The following DGAT2 variants were observed in gnomAD, a reference collection of about 807,000 sequenced individuals.
DGAT2 encodes acyl-CoA retinol O-fatty-acyltransferase.
A neutral mutation model predicts 48.4 loss-of-function variants in DGAT2; 33 were observed. The observed-to-expected ratio is 0.68, with a 90% CI of 0.52 to 0.91. DGAT2 has a LOEUF of 0.91. Ranked by LOEUF, DGAT2 falls within the 40% of genes least tolerant of loss-of-function variation. The probability of loss-of-function intolerance (pLI) is 0.00; values close to 1 mark genes in which losing one functional copy is unlikely to be tolerated. For missense variants in DGAT2, 446 were observed against 493.7 expected (o/e 0.90, Z 0.92); for synonymous variants, 191 against 194.1 (o/e 0.98, Z 0.13).
intron 1 of DGAT2, 190 bp from the exon 2 acceptor site, chr11:75,784,428 A>G: frequency 7.9e-6 from 5 of 629,088 alleles, no homozygotes; most frequent in Non-Finnish European, 1.3e-5. Flanking sequence ...GGCACAGGGG[A>G]GCATGCAGAC....
At chr11:75,772,267 G>T (rs1298536869) in intron 1 of DGAT2, among the ~76,000 whole-genome samples, 1 of 152,158 alleles carries the variant, frequency 6.6e-6, no homozygotes, top group African/African-American at 2.4e-5. Context: ...GCTGCCAGGT[G>T]AATGCCAGTT....
chr11:75,790,052 C>T, intron 2 of DGAT2, 136 bp from the exon 3 acceptor site: 1 of 690,694 alleles, frequency 1.4e-6, no homozygotes, highest in Non-Finnish European at 2.6e-6. Context: ...AGCTATTTCT[C>T]AGGGTTTGTG....
intron 1 of DGAT2, among the ~76,000 whole-genome samples, chr11:75,769,535 C>T (rs191033909): frequency 5.5e-4 from 84 of 152,290 alleles, no homozygotes; most frequent in Non-Finnish European, 9.8e-4. Context: ...CTCTGTCCCA[C>T]ATCCATCCTC....
In DGAT2 at chr11:75,796,541, C is replaced by A; in HGVS notation, c.634+9C>A. The A allele has an allele frequency of 1.9e-6, 3 of 1,610,496 alleles. No individual in the cohort carries two copies. Among genetic ancestry groups the A allele is most frequent in the Non-Finnish European group, 2.5e-6 (3 of 1,178,870 alleles). ...GTACCTGATGTCTGGAGGTAAGAAT[C>A]CACCCCCTGTGCTCCTGCTGGGCAC... On this transcript the variant is annotated intron_variant, in intron 5 of 7. Coordinates refer to ENST00000228027, the MANE Select transcript of DGAT2 (RefSeq NM_032564.5).
chr11:75,786,032 A>G (rs1055629221), intron 2 of DGAT2, among the ~76,000 whole-genome samples: 2 of 152,158 alleles, frequency 1.3e-5, no homozygotes, highest in Admixed American at 6.5e-5. Context: ...ACGGGCTTTG[A>G]GTGGGGGGAT....
Position 75,784,554 on chromosome 11 carries a change from G to T in DGAT2, c.122-64G>T. ...AGGGTACCTGTGGGAGGTGAGGTTT[G>T]TACTGGGGACCCCATGACTGGAGAG... is the stretch of plus-strand genomic sequence containing the variant. On this transcript the variant is annotated intron_variant, in intron 1 of 7. Transcript: ENST00000228027. 3 of 1,600,628 alleles carry T rather than the reference G, an allele frequency of 1.9e-6. No individual in the cohort carries two copies. In the South Asian group the frequency reaches 3.4e-5, roughly 18 times the overall value.
intron 1 of DGAT2, among the ~76,000 whole-genome samples, chr11:75,779,717 G>A (rs968776743): frequency 6.6e-6 from 1 of 152,186 alleles, no homozygotes; most frequent in African/African-American, 2.4e-5. Context: ...TTCCCCTACA[G>A]CCTGTCTCAT....
intron 1 of DGAT2, among the ~76,000 whole-genome samples, chr11:75,769,431 A>T (rs1361003486): frequency 1.3e-5 from 2 of 151,858 alleles, no homozygotes; most frequent in Non-Finnish European, 2.9e-5. Context: ...GCAGTGATAG[A>T]CTGGATGGGC....
Position 75,784,341 on chromosome 11 carries a change from C to T in DGAT2, c.122-277C>T, listed in dbSNP as rs558233084. 8.7e-5 allele frequency: 25 copies of T among 287,528 alleles called. 1 individual carries two copies. In the South Asian group the frequency reaches 1.2e-3, roughly 14 times the overall value. The allele number at this position is 287,528 out of a possible 1,614,324, so 17.8% of individuals were successfully genotyped here. A position where few individuals can be genotyped will look rare whatever the true frequency, so the allele number is the denominator to read the frequency against. ...CCCAAGGCCTAGCCCTTGGACTAGCCTCTTTAGATACTTCATGTGGTCTCC... is the reference window on the plus strand; with the variant it reads ...CCCAAGGCCTAGCCCTTGGACTAGCTTCTTTAGATACTTCATGTGGTCTCC... On this transcript the variant is annotated intron_variant, in intron 1 of 7. Transcript: ENST00000228027.
chr11:75,800,096 G>A (rs1238081866), intron 7 of DGAT2, among the ~76,000 whole-genome samples: 1 of 152,182 alleles, frequency 6.6e-6, no homozygotes, highest in Non-Finnish European at 1.5e-5. Context: ...CCTCCTAGCA[G>A]AATGCAGTGG....
intron 1 of DGAT2, among the ~76,000 whole-genome samples, chr11:75,772,983 C>T (rs544366250): frequency 5.9e-5 from 9 of 152,178 alleles, no homozygotes; most frequent in Non-Finnish European, 1.0e-4. Context: ...GAGCGAGACT[C>T]CATCTCAAAA....
At chr11:75,771,431 T>G (rs183093195) in intron 1 of DGAT2, among the ~76,000 whole-genome samples, 37 of 152,248 alleles carry the variant, frequency 2.4e-4, no homozygotes, top group Non-Finnish European at 4.6e-4. Flanking sequence ...GTGGTCCCAG[T>G]AAAATTTTGA....
At chr11:75,799,626 A>T (rs867868482) in intron 7 of DGAT2, among the ~76,000 whole-genome samples, 1,545 of 134,570 alleles carry the variant, frequency 0.011, 25 homozygotes, top group African/African-American at 0.036. Context: ...TTTTTTTTTT[A>T]TTTTTGAGAC....
intron 4 of DGAT2, 124 bp from the exon 5 acceptor site, chr11:75,796,204 A>C (rs1434516569): frequency 1.3e-6 from 1 of 789,708 alleles, no homozygotes; most frequent in Admixed American, 2.1e-5. Context: ...GTGGAGATTC[A>C]TTGCAGCCCT....
rs1189900113 is a variant in DGAT2, at chr11:75,787,480, A to G, written c.251-2708A>G. Among the ~76,000 whole-genome samples the G allele has an allele frequency of 2.0e-5, 3 of 152,194 alleles. No individual in the cohort carries two copies. In the East Asian group the frequency reaches 5.8e-4, roughly 29 times the overall value. On this transcript the variant is annotated intron_variant, in intron 2 of 7. Coordinates refer to ENST00000228027, the MANE Select transcript of DGAT2 (RefSeq NM_032564.5). ...AGGCCTCGTGGCTTCAGAATTTTGTATCACAAGTGTCTTTGTAGGCCACCA... is the reference window on the plus strand; with the variant it reads ...AGGCCTCGTGGCTTCAGAATTTTGTGTCACAAGTGTCTTTGTAGGCCACCA...
intron 1 of DGAT2, among the ~76,000 whole-genome samples, chr11:75,781,455 C>G (rs560891946): frequency 5.3e-5 from 8 of 152,362 alleles, no homozygotes; most frequent in African/African-American, 1.7e-4. Context: ...CCTCCATGGT[C>G]AGCCAGGTTG....
intron 1 of DGAT2, among the ~76,000 whole-genome samples, chr11:75,779,204 G>A (rs994361032): frequency 3.9e-5 from 6 of 152,160 alleles, no homozygotes; most frequent in Admixed American, 2.6e-4. Context: ...CATGGGTTGC[G>A]GGGGTGGAAT....
At chr11:75,784,774 G>A (rs745473705) in intron 2 of DGAT2, 28 bp downstream of exon 2, 1 of 1,613,514 alleles carries the variant, frequency 6.2e-7, no homozygotes, top group Admixed American at 1.7e-5. Context: ...GGGAGGGCAG[G>A]TGGGCAGGCA....
chr11:75,789,061 A>C (rs1170304965), intron 2 of DGAT2, among the ~76,000 whole-genome samples: 1 of 152,034 alleles, frequency 6.6e-6, no homozygotes, highest in Admixed American at 6.5e-5. Flanking sequence ...GCCAGGCTAG[A>C]TTAGTCTCTC....
Sources: gnomAD v4.1 joint callset for allele counts (sites outside exome capture counted in the v4.1 genomes callset) on GRCh38, gnomAD v4.1.1 for gene constraint, MANE v1.5 for transcripts, NCBI Gene and HGNC (gene_info 2026-07-23, HGNC 2026-07-21) for gene names.